Variants in GASK1A observed in about 807,000 individuals in gnomAD.
GASK1A encodes the protein Golgi-associated kinase 1A.
A neutral mutation model predicts 41.2 loss-of-function variants in GASK1A; 40 were observed. The ratio of observed to expected loss-of-function variants is 0.97; its 90% CI spans 0.75 to 1.27. GASK1A has a LOEUF of 1.27. Among genes scored for constraint, GASK1A ranks in the 50% most tolerant of loss-of-function variants. GASK1A has a pLI of 0.00. For missense variants in GASK1A, 678 were observed against 745.1 expected, an observed-to-expected ratio of 0.91 and a Z score of 1.05; for synonymous variants, 316 against 307.1, an observed-to-expected ratio of 1.03 and a Z score of -0.30.
chr3:43,032,921 C>A lies in GASK1A; in HGVS notation c.658C>A (p.Pro220Thr), dbSNP rs1311957628. 5 of 1,551,098 alleles carry A rather than the reference C, an allele frequency of 3.2e-6. No homozygotes were observed. The highest frequency in any genetic ancestry group is 2.4e-5 in the East Asian group (1 of 40,874). ...ALTGGQQAED[P>T]TLASGAHQWP... ...GACTGGTGGGCAACAAGCAGAGGATCCCACCTTGGCCTCAGGAGCTCATCA... is the reference window on the plus strand; with the variant it reads ...GACTGGTGGGCAACAAGCAGAGGATACCACCTTGGCCTCAGGAGCTCATCA... Residue 220 changes from proline to threonine, a missense_variant, in exon 2 of 5, where the codon CCC becomes ACC. Pro to Thr is a conservative substitution (Grantham distance 38, BLOSUM62 -1). Coordinates refer to ENST00000430121, the MANE Select transcript of GASK1A (RefSeq NM_001129908.3).
At chr3:43,032,174 G>A in intron 1 of GASK1A, 93 bp from the exon 2 acceptor site, 1 of 1,008,286 alleles carries the variant, frequency 9.9e-7, no homozygotes, top group South Asian at 1.8e-5. Context: ...CTCATGAACT[G>A]AGCACCTCAT....
intron 2 of GASK1A, among the ~76,000 whole-genome samples, chr3:43,041,142 G>C (rs971195003): frequency 3.3e-5 from 5 of 149,634 alleles, no homozygotes; most frequent in Non-Finnish European, 6.0e-5. Flanking sequence ...CATTTGGGTT[G>C]GTTCCAAGTC....
intron 2 of GASK1A, among the ~76,000 whole-genome samples, chr3:43,040,896 C>T (rs538918274): frequency 1.4e-4 from 19 of 131,566 alleles, no homozygotes; most frequent in South Asian, 9.8e-4. Context: ...CACAACAGTC[C>T]GCAGAGTGTG....
chr3:43,053,499 C>A (rs181118135), intron 2 of GASK1A, 22 bp from the exon 3 acceptor site: 1 of 1,521,530 alleles, frequency 6.6e-7, no homozygotes, highest in African/African-American at 1.4e-5. Context: ...CGCACCCCAC[C>A]GAAGGCTGGG....
intron 1 of GASK1A, among the ~76,000 whole-genome samples, chr3:42,998,410 A>G (rs1323674275): frequency 6.6e-6 from 1 of 152,198 alleles, no homozygotes; most frequent in East Asian, 1.9e-4. Flanking sequence ...TACTTAGCCC[A>G]GTTTGCCCTT....
In GASK1A at chr3:43,039,203, T is replaced by G. The variant is rs199788869; in HGVS notation, c.1290+5650T>G. On this transcript the variant is annotated intron_variant, in intron 2 of 4. Coordinates refer to ENST00000430121, the MANE Select transcript of GASK1A (RefSeq NM_001129908.3). ...TCTGCCACCAGGTAGTTTTTTTTTT[T>G]GGTTTTTTTTTTTTTTTGAGATGGA... 7.0e-3 allele frequency among the ~76,000 whole-genome samples: 923 copies of G among 131,340 alleles called. 5 individuals are homozygous for G. The highest frequency in any genetic ancestry group is 0.011 in the Non-Finnish European group (633 of 59,636). The allele number at this position is 131,340 out of a possible 152,430, so 86.2% of individuals were successfully genotyped here. A position where few individuals can be genotyped will look rare whatever the true frequency, so the allele number is the denominator to read the frequency against.
chr3:43,042,087 A>T (rs974559753), intron 2 of GASK1A, among the ~76,000 whole-genome samples: 1 of 152,190 alleles, frequency 6.6e-6, no homozygotes, highest in Non-Finnish European at 1.5e-5. Flanking sequence ...TTTCTTACAG[A>T]TTCGGGACAA....
At chr3:43,029,157 T>C (rs1455202385) in intron 1 of GASK1A, among the ~76,000 whole-genome samples, 2 of 152,082 alleles carry the variant, frequency 1.3e-5, no homozygotes, top group Non-Finnish European at 2.9e-5. Flanking sequence ...AAAGTATCCA[T>C]TGGCCCTGAG....
chr3:43,037,132 C>A, intron 2 of GASK1A: 1 of 860,226 alleles, frequency 1.2e-6, no homozygotes. Flanking sequence ...AACCAGGCAG[C>A]GATTCAGGGC....
Position 43,056,327 on chromosome 3 carries a change from G to T in GASK1A, c.1669G>T (p.Val557Leu), listed in dbSNP as rs749507409. ...VLQTLEQRGQVLLGHIQKHNL... is the reference protein window; with the variant it reads ...VLQTLEQRGQLLLGHIQKHNL... ...CCAGACCCTGGAGCAGCGAGGACAGGTGCTGCTGGGACACATCCAAAAGCA... is the reference window on the plus strand; with the variant it reads ...CCAGACCCTGGAGCAGCGAGGACAGTTGCTGCTGGGACACATCCAAAAGCA... Residue 557 changes from valine (V) to leucine (L), a missense_variant, in exon 5 of 5, where the codon GTG becomes TTG. By Grantham distance (32) the Val-to-Leu change is conservative. Coordinates refer to ENST00000430121, the MANE Select transcript of GASK1A (RefSeq NM_001129908.3). 9 of 1,551,462 alleles carry T rather than the reference G, an allele frequency of 5.8e-6. No homozygotes were observed. The South Asian group carries it at 1.1e-4, about 18-fold the overall frequency.
intron 1 of GASK1A, 149 bp downstream of exon 1, chr3:42,979,794 G>A (rs1169592131): frequency 2.5e-6 from 2 of 806,182 alleles, no homozygotes; most frequent in Non-Finnish European, 3.4e-6. Flanking sequence ...ATGGGGCGGC[G>A]GCGGCTTTCA....
intron 1 of GASK1A, among the ~76,000 whole-genome samples, chr3:42,995,917 C>T (rs2089366749): frequency 6.6e-6 from 1 of 152,186 alleles, no homozygotes; most frequent in Non-Finnish European, 1.5e-5. Context: ...GCTGTTAATA[C>T]AAAGGCAGCC....
intron 1 of GASK1A, among the ~76,000 whole-genome samples, chr3:43,013,982 G>C (rs750093820): frequency 2.0e-5 from 3 of 151,640 alleles, no homozygotes; most frequent in Non-Finnish European, 2.9e-5. Flanking sequence ...GGAAGGGGCT[G>C]TGTGAAGCCA....
rs1177208886 is a variant in GASK1A, at chr3:43,032,699, C to T, written c.436C>T (p.Pro146Ser). The T allele has an allele frequency of 6.4e-7, 1 of 1,551,622 alleles. No individual in the cohort carries two copies. The highest frequency in any genetic ancestry group is 8.7e-7 in the Non-Finnish European group (1 of 1,146,990). ...CCTGAGGGAGGATGAGGTTGGAGAT[C>T]CAGGAACCAAAGACCTGGGCCACCC... ...VLLREDEVGD[P>S]GTKDLGHPQH... The change falls in exon 2 of 5, where the codon CCA becomes TCA. Residue 146 changes from proline (P) to serine (S), a missense_variant. Coordinates refer to ENST00000430121, the MANE Select transcript of GASK1A (RefSeq NM_001129908.3).
intron 2 of GASK1A, among the ~76,000 whole-genome samples, chr3:43,039,254 G>A (rs1461429609): frequency 6.8e-6 from 1 of 146,362 alleles, no homozygotes; most frequent in African/African-American, 2.5e-5. Flanking sequence ...CCAGGCTGGA[G>A]TACAATGGCG....
At position 43,044,887 on chromosome 3, in the gene GASK1A, C is replaced by T. The variant is rs149473513; in HGVS notation, c.1291-8634C>T. On this transcript the variant is annotated intron_variant, in intron 2 of 4. Coordinates refer to ENST00000430121, the MANE Select transcript of GASK1A (RefSeq NM_001129908.3). Reference sequence around the variant, plus strand: ...ACAAAGTCTGGCGGAGTCAAAGGAACGAGAAAAGACAAGAGTGCATAATGT... The same window carrying T: ...ACAAAGTCTGGCGGAGTCAAAGGAATGAGAAAAGACAAGAGTGCATAATGT... 4.0e-4 allele frequency among the ~76,000 whole-genome samples: 61 copies of T among 152,154 alleles called. No homozygotes were observed. The East Asian group carries it at 0.011, about 27-fold the overall frequency.
At chr3:43,027,145 T>A (rs925834012) in intron 1 of GASK1A, among the ~76,000 whole-genome samples, 6 of 152,240 alleles carry the variant, frequency 3.9e-5, no homozygotes, top group Non-Finnish European at 7.3e-5. Flanking sequence ...TTACTTCATG[T>A]ATGAATGCTG....
Position 43,006,216 on chromosome 3 carries a change from C to T in GASK1A, c.4-26051C>T, listed in dbSNP as rs145265391. ...CTTCTGAGCTGGTCGCTTTCTTGGT[C>T]GGTGCACAGCCGTTGGCTTAGGATC... On this transcript the variant is annotated intron_variant, in intron 1 of 4. Coordinates refer to ENST00000430121, the MANE Select transcript of GASK1A (RefSeq NM_001129908.3). 2.0e-3 allele frequency among the ~76,000 whole-genome samples: 308 copies of T among 152,284 alleles called. 1 individual carries two copies. Among genetic ancestry groups the T allele is most frequent in the African/African-American group, 6.9e-3 (287 of 41,562 alleles).
At chr3:43,048,484 G>A (rs1399750668) in intron 2 of GASK1A, among the ~76,000 whole-genome samples, 1 of 152,188 alleles carries the variant, frequency 6.6e-6, no homozygotes, top group East Asian at 1.9e-4. Context: ...AACCTGGTGA[G>A]CAAATGGGGA....
Sources: allele counts gnomAD v4.1 joint callset (sites outside exome capture counted in the v4.1 genomes callset), GRCh38; gene constraint gnomAD v4.1.1; transcripts MANE v1.5; gene names NCBI Gene and HGNC (gene_info 2026-07-23, HGNC 2026-07-21).